The following TENM3 variants were observed in gnomAD, a reference collection of about 807,000 sequenced individuals.
TENM3 encodes teneurin-3.
TENM3 carries 63 observed loss-of-function variants against 255.1 expected under a neutral mutation model. That is an observed-to-expected ratio of 0.25 (90% CI 0.20 to 0.30). The LOEUF (loss-of-function observed/expected upper bound fraction) is 0.30, where lower values mean the gene tolerates loss of function less well. Among genes scored for constraint, TENM3 ranks in the 10% least tolerant of loss-of-function variants. The pLI is 1.00. For missense variants in TENM3, 2,929 were observed against 3,461.1 expected (o/e 0.85, Z 3.86); for synonymous variants, 1,306 against 1,322.3 (o/e 0.99, Z 0.27).
the TENM3 span, among the ~76,000 whole-genome samples, chr4:181,899,293 T>A: frequency 2.6e-5 from 4 of 152,082 alleles, no homozygotes; most frequent in Admixed American, 6.5e-5. Flanking sequence ...AAGTAAAAAA[T>A]CTTGAGGTAT....
intron 4 of TENM3, among the ~76,000 whole-genome samples, chr4:182,610,856 G>A (rs563529947): frequency 5.4e-5 from 8 of 147,920 alleles, no homozygotes; most frequent in African/African-American, 7.5e-5. Flanking sequence ...CAATCCTCCC[G>A]CCTCAGCCTC....
chr4:182,478,333 C>T (rs967153938), intron 3 of TENM3, among the ~76,000 whole-genome samples: 3 of 151,768 alleles, frequency 2.0e-5, no homozygotes, highest in Non-Finnish European at 4.4e-5. Flanking sequence ...ATATTAGTGC[C>T]ATTGTAGTGC....
chr4:181,564,621 G>A, the TENM3 span, among the ~76,000 whole-genome samples: 3 of 152,008 alleles, frequency 2.0e-5, no homozygotes, highest in African/African-American at 4.8e-5. Flanking sequence ...AGGGGTCTTC[G>A]TCAAAACATC....
At chr4:181,884,800 C>G in the TENM3 span, among the ~76,000 whole-genome samples, 1 of 152,058 alleles carries the variant, frequency 6.6e-6, no homozygotes, top group African/African-American at 2.4e-5. Context: ...CCCTACAATT[C>G]AAATCATTGT....
At chr4:182,783,551 G>A (rs906346406) in intron 24 of TENM3, among the ~76,000 whole-genome samples, 21 of 149,644 alleles carry the variant, frequency 1.4e-4, no homozygotes, top group Non-Finnish European at 2.7e-4. Flanking sequence ...TGCTCTTCTC[G>A]AGGAGTATCT....
At chr4:182,615,046 CATATATATAT>C (rs10570169) in intron 4 of TENM3, among the ~76,000 whole-genome samples, 1 of 112,058 alleles carries the variant, frequency 8.9e-6, no homozygotes, top group African/African-American at 3.1e-5. Flanking sequence ...AAAAAAAATA[CATATATATAT>C]ATATATATAT....
chr4:181,594,887 C>T, the TENM3 span, among the ~76,000 whole-genome samples: 2 of 152,196 alleles, frequency 1.3e-5, no homozygotes, highest in African/African-American at 2.4e-5. Context: ...CTTGTCCTAA[C>T]ACCCTCCAAG....
the TENM3 span, among the ~76,000 whole-genome samples, chr4:181,562,052 T>G: frequency 6.6e-6 from 1 of 152,316 alleles, no homozygotes; most frequent in African/African-American, 2.4e-5. Flanking sequence ...GAGGAATGCA[T>G]TTATCATTTT....
At chr4:182,452,239 G>T (rs750281352) in intron 3 of TENM3, among the ~76,000 whole-genome samples, 9 of 150,648 alleles carry the variant, frequency 6.0e-5, no homozygotes, top group Non-Finnish European at 1.3e-4. Context: ...TGGGAAAATG[G>T]TACCATGAAG....
the TENM3 span, among the ~76,000 whole-genome samples, chr4:182,076,350 C>CCGA: frequency 6.6e-6 from 1 of 151,878 alleles, no homozygotes; most frequent in Non-Finnish European, 1.5e-5. Context: ...ATTACAGGTG[C>CCGA]CCACCACCAC....
At chr4:182,589,705 G>T (rs767943313) in intron 3 of TENM3, among the ~76,000 whole-genome samples, 53 of 152,138 alleles carry the variant, frequency 3.5e-4, no homozygotes, top group Non-Finnish European at 6.5e-4. Flanking sequence ...GGGCGCAGTG[G>T]CTCACGCCTG....
At chr4:182,619,453 G>C (rs529043260) in intron 4 of TENM3, among the ~76,000 whole-genome samples, 1 of 151,514 alleles carries the variant, frequency 6.6e-6, no homozygotes, top group Non-Finnish European at 1.5e-5. Context: ...ATAGAAGCTA[G>C]ATTAGAGGTA....
upstream of TENM3, chr4:182,143,178 T>C (rs1302687841): frequency 1.2e-5 from 2 of 167,046 alleles, no homozygotes; most frequent in African/African-American, 4.8e-5. The surrounding 1 kb of genome is among the most constrained non-coding windows in gnomAD (Gnocchi z 4.3). Context: ...GTAGTAAAAG[T>C]GGGGAGTGGA....
the TENM3 span, among the ~76,000 whole-genome samples, chr4:181,529,716 G>T: frequency 1.3e-5 from 2 of 152,302 alleles, no homozygotes; most frequent in South Asian, 4.1e-4. Flanking sequence ...CCACTCATTG[G>T]CCACTTTAGC....
At chr4:181,467,123 A>ATTTTTTT in the TENM3 span, among the ~76,000 whole-genome samples, 12 of 17,976 alleles carry the variant, frequency 6.7e-4, no homozygotes, top group Admixed American at 2.1e-3. Context: ...ATATATATAT[A>ATTTTTTT]TATTTTTTTT....
chr4:182,348,514 C>T (rs540853779), intron 3 of TENM3, among the ~76,000 whole-genome samples: 3 of 152,066 alleles, frequency 2.0e-5, no homozygotes, highest in Non-Finnish European at 2.9e-5. Flanking sequence ...AAATCTTTGA[C>T]GTTATAGAAG....
the TENM3 span, among the ~76,000 whole-genome samples, chr4:182,066,573 T>G: frequency 8.7e-6 from 1 of 115,352 alleles, no homozygotes; most frequent in Non-Finnish European, 1.7e-5. Context: ...TTGCACAACT[T>G]AAAGTAAGAA....
chr4:181,701,797 T>C, the TENM3 span, among the ~76,000 whole-genome samples: 1 of 152,238 alleles, frequency 6.6e-6, no homozygotes, highest in Non-Finnish European at 1.5e-5. Context: ...AATGGATACA[T>C]TTATTTATAC....
intron 22 of TENM3, among the ~76,000 whole-genome samples, chr4:182,761,836 G>GT (rs1161385939): frequency 6.6e-6 from 1 of 152,002 alleles, no homozygotes; most frequent in African/African-American, 2.4e-5. Flanking sequence ...TATTTTTGAT[G>GT]TTTTGTTTAA....
Sources: gnomAD v4.1 joint callset for allele counts (sites outside exome capture counted in the v4.1 genomes callset) on GRCh38, gnomAD v4.1.1 for gene constraint, Gnocchi (gnomAD v3.1) non-coding constraint, MANE v1.5 for transcripts, NCBI Gene and HGNC (gene_info 2026-07-23, HGNC 2026-07-21) for gene names.